Variants in UNC13C observed in about 807,000 individuals in gnomAD.
The protein encoded by UNC13C is protein unc-13 homolog C.
Under a neutral mutation model 245.4 loss-of-function variants are expected in UNC13C, and 174 were observed. That is an observed-to-expected ratio of 0.71 (90% CI 0.63 to 0.80). The LOEUF is 0.80. Ranked by LOEUF, UNC13C falls within the 30% of genes least tolerant of loss-of-function variation. UNC13C has a pLI of 0.00. For synonymous variants in UNC13C, 992 were observed against 895.1 expected (o/e 1.11, Z -1.93); for missense variants, 2,829 against 2,602.9 (o/e 1.09, Z -1.89).
upstream of UNC13C, among the ~76,000 whole-genome samples, chr15:53,975,200 C>T (rs996624370): frequency 5.9e-5 from 9 of 152,180 alleles, no homozygotes; most frequent in Admixed American, 5.2e-4. Context: ...AATTTAAGAA[C>T]AGAACTTAAC....
In UNC13C at chr15:54,277,099, C is replaced by G. The variant is rs2036852937; in HGVS notation, c.3818+11603C>G. Among the ~76,000 whole-genome samples, 3 of 152,036 alleles carry G rather than the reference C, an allele frequency of 2.0e-5. No homozygotes were observed. The South Asian group carries it at 6.2e-4, about 32-fold the overall frequency. On this transcript the variant is annotated intron_variant, in intron 10 of 32. Transcript: ENST00000260323. ...TCTTCCAAATAATTCCAAAGACATG[C>G]CTTTCTTTTCTGTGCACGATACTCA...
intron 1 of UNC13C, among the ~76,000 whole-genome samples, chr15:53,999,029 T>G (rs972802523): frequency 8.5e-5 from 13 of 152,048 alleles, no homozygotes; most frequent in African/African-American, 3.1e-4. Flanking sequence ...ATTTTTCATC[T>G]ACGTTCATGA....
chr15:54,353,367 ACT>A (rs1465777621), intron 17 of UNC13C, among the ~76,000 whole-genome samples: 1 of 152,110 alleles, frequency 6.6e-6, no homozygotes, highest in African/African-American at 2.4e-5. Flanking sequence ...ATCCAGACAG[ACT>A]CTGCTGGAGG....
chr15:54,127,409 C>T (rs1384616656), intron 2 of UNC13C, among the ~76,000 whole-genome samples: 1 of 151,976 alleles, frequency 6.6e-6, no homozygotes, highest in African/African-American at 2.4e-5. Context: ...TTTGCAGGGA[C>T]ATGGATGAAG....
At chr15:53,856,023 G>A in the UNC13C span, among the ~76,000 whole-genome samples, 1 of 152,150 alleles carries the variant, frequency 6.6e-6, no homozygotes, top group African/African-American at 2.4e-5. Flanking sequence ...TATTGGGAGT[G>A]TGTATGTGTC....
chr15:53,978,370 C>T (rs918942836), upstream of UNC13C, among the ~76,000 whole-genome samples: 3 of 151,864 alleles, frequency 2.0e-5, no homozygotes, highest in Admixed American at 1.3e-4. Flanking sequence ...CGCCGTGCTA[C>T]GGCGGCAGGA....
At chr15:54,157,687 T>TTTA (rs2032809179) in intron 4 of UNC13C, among the ~76,000 whole-genome samples, 1 of 152,132 alleles carries the variant, frequency 6.6e-6, no homozygotes, top group Admixed American at 6.5e-5. Context: ...CATGTATAGT[T>TTTA]CACTAGAAGC....
chr15:54,327,165 T>C (rs773570728), intron 14 of UNC13C, among the ~76,000 whole-genome samples: 16 of 152,032 alleles, frequency 1.1e-4, no homozygotes, highest in Non-Finnish European at 4.4e-5. Context: ...GGAAATTTAT[T>C]TAGTGAATTA....
At chr15:54,361,562 A>G (rs746848422) in intron 17 of UNC13C, among the ~76,000 whole-genome samples, 3 of 152,194 alleles carry the variant, frequency 2.0e-5, no homozygotes, top group Non-Finnish European at 4.4e-5. Flanking sequence ...GAGTTTAACA[A>G]TGCTTGCATT....
At chr15:53,924,160 T>A in the UNC13C span, among the ~76,000 whole-genome samples, 3 of 151,020 alleles carry the variant, frequency 2.0e-5, no homozygotes, top group African/African-American at 7.3e-5. Flanking sequence ...TGAGCCGAGA[T>A]CACACCATTG....
intron 30 of UNC13C, among the ~76,000 whole-genome samples, chr15:54,579,415 G>A (rs959101606): frequency 1.2e-4 from 18 of 152,122 alleles, no homozygotes; most frequent in African/African-American, 3.9e-4. Flanking sequence ...AGATTTTGAA[G>A]TCTTTTAAGG....
chr15:54,527,932 A>G (rs1206236690), intron 25 of UNC13C, among the ~76,000 whole-genome samples: 1 of 152,182 alleles, frequency 6.6e-6, no homozygotes, highest in Non-Finnish European at 1.5e-5. Context: ...AGAAAAGTCT[A>G]CAGTAATCAA....
chr15:54,268,747 CTGCCCAG>C (rs2036610624), intron 10 of UNC13C, among the ~76,000 whole-genome samples: 2 of 152,104 alleles, frequency 1.3e-5, no homozygotes, highest in South Asian at 4.1e-4. Flanking sequence ...GTTTTGTCTT[CTGCCCAG>C]TAGAAATTAG....
intron 30 of UNC13C, among the ~76,000 whole-genome samples, chr15:54,618,994 GTTTTAATGTAAAAGTCTT>G (rs1009758584): frequency 1.3e-5 from 2 of 152,220 alleles, no homozygotes; most frequent in Non-Finnish European, 2.9e-5. Flanking sequence ...TGTCTAATGA[GTTTTAATGTAAAAGTCTT>G]TTTAAGAGTA....
At chr15:54,221,470 G>A (rs1447125906) in intron 4 of UNC13C, among the ~76,000 whole-genome samples, 3 of 149,946 alleles carry the variant, frequency 2.0e-5, no homozygotes, top group Non-Finnish European at 4.4e-5. Context: ...TAGTCATCAG[G>A]AAAATTATAT....
chr15:54,580,884 T>A (rs563835094), intron 30 of UNC13C, among the ~76,000 whole-genome samples: 1 of 152,312 alleles, frequency 6.6e-6, no homozygotes, highest in Admixed American at 6.5e-5. Flanking sequence ...GACACCTGAA[T>A]GATTCACACC....
intron 2 of UNC13C, among the ~76,000 whole-genome samples, chr15:54,132,331 A>C (rs959955073): frequency 6.6e-6 from 1 of 152,126 alleles, no homozygotes. Flanking sequence ...CGGCCTCCCA[A>C]AGTGCTGGGA....
chr15:54,486,496 C>T (rs1893419529), intron 19 of UNC13C, among the ~76,000 whole-genome samples: 1 of 151,374 alleles, frequency 6.6e-6, no homozygotes, highest in Admixed American at 6.6e-5. Context: ...GCACCTGGTT[C>T]ATAGTAGAAT....
intron 30 of UNC13C, among the ~76,000 whole-genome samples, chr15:54,613,733 C>T (rs183908605): frequency 2.0e-5 from 3 of 151,952 alleles, no homozygotes; most frequent in East Asian, 1.9e-4. Context: ...CTTATAACCT[C>T]GGTTTATCAT....
Sources: allele counts gnomAD v4.1 joint callset (sites outside exome capture counted in the v4.1 genomes callset), GRCh38; gene constraint gnomAD v4.1.1; transcripts MANE v1.5; gene names NCBI Gene and HGNC (gene_info 2026-07-23, HGNC 2026-07-21).